RSPRY1: variants seen among roughly 807,000 people sequenced by gnomAD.
RSPRY1 encodes the protein ring finger and SPRY domain containing 1.
Under a neutral mutation model 73.1 loss-of-function variants are expected in RSPRY1, and 23 were observed. The observed-to-expected ratio is 0.31, with a 90% CI of 0.23 to 0.45. RSPRY1 has a LOEUF of 0.45. Ranked by LOEUF, RSPRY1 falls within the 20% of genes least tolerant of loss-of-function variation. The probability of loss-of-function intolerance (pLI) is 1.00; values close to 1 mark genes in which losing one functional copy is unlikely to be tolerated. For synonymous variants in RSPRY1, 226 were observed against 251.4 expected (o/e 0.90, Z 0.95); for missense variants, 448 against 698.7 (o/e 0.64, Z 4.05).
chr16:57,196,034 AATATAT>A (rs1555499008), intron 1 of RSPRY1, among the ~76,000 whole-genome samples: 2 of 122,794 alleles, frequency 1.6e-5, no homozygotes, highest in Admixed American at 8.6e-5. Flanking sequence ...AAAAAAAAAA[AATATAT>A]ATATATATAT....
At chr16:57,219,437 C>T (rs1271350472) in intron 8 of RSPRY1, among the ~76,000 whole-genome samples, 1 of 152,170 alleles carries the variant, frequency 6.6e-6, no homozygotes, top group Non-Finnish European at 1.5e-5. Flanking sequence ...TTTCATATAT[C>T]TGTTTGCCAT....
chr16:57,227,355 T>C lies in RSPRY1; in HGVS notation c.1175T>C (p.Ile392Thr), dbSNP rs868458685. The C allele has an allele frequency of 5.6e-6, 9 of 1,613,502 alleles. No individual in the cohort carries two copies. The highest frequency in any genetic ancestry group is 1.7e-5 in the Admixed American group (1 of 59,990). ...SKFLNHEGYGIGDDEYSCAYD... is the reference protein window; with the variant it reads ...SKFLNHEGYGTGDDEYSCAYD... The stretch of plus-strand genomic sequence containing the variant: ...GTCTCTCTCCAGGAAGGCTACGGCA[T>C]TGGGGATGATGAATACTCCTGTGCG... Residue 392 changes from isoleucine to threonine, a missense_variant, in exon 11 of 15, where the codon ATT (isoleucine) becomes ACT (threonine). Transcript: ENST00000394420.
intron 1 of RSPRY1, among the ~76,000 whole-genome samples, chr16:57,199,891 GTTTGT>G (rs2074529728): frequency 1.1e-4 from 4 of 35,032 alleles, no homozygotes; most frequent in African/African-American, 2.5e-4. Flanking sequence ...TGTTTTTTTT[GTTTGT>G]TTTTTTTTTT....
chr16:57,200,318 C>A (rs1425716642), intron 1 of RSPRY1, among the ~76,000 whole-genome samples: 8 of 151,746 alleles, frequency 5.3e-5, no homozygotes, highest in African/African-American at 1.9e-4. Flanking sequence ...TCTACACAGA[C>A]ATGGCAACCA....
intron 11 of RSPRY1, among the ~76,000 whole-genome samples, chr16:57,227,958 C>T (rs1206675667): frequency 6.6e-6 from 1 of 152,130 alleles, no homozygotes; most frequent in African/African-American, 2.4e-5. Flanking sequence ...TCCAAGCATC[C>T]CTCTCTCATT....
At chr16:57,195,537 A>G (rs1223140499) in intron 1 of RSPRY1, among the ~76,000 whole-genome samples, 1 of 152,152 alleles carries the variant, frequency 6.6e-6, no homozygotes, top group Non-Finnish European at 1.5e-5. Flanking sequence ...AAAAAGTATA[A>G]TCATATTAAA....
rs559862884 is a variant in RSPRY1 at position 57,236,812 on chromosome 16, T to A, written c.1634+1584T>A. 3.9e-5 allele frequency among the ~76,000 whole-genome samples: 6 copies of A among 152,284 alleles called. No homozygotes were observed. In the South Asian group the frequency reaches 1.2e-3, roughly 32 times the overall value. ...AACTCCCAAATAAAATATTAGAAAGTAAGACCTAGCAACGCAACTGGCAGG... is the reference window on the plus strand; with the variant it reads ...AACTCCCAAATAAAATATTAGAAAGAAAGACCTAGCAACGCAACTGGCAGG... On this transcript the variant is annotated intron_variant, in intron 14 of 14. Transcript: ENST00000394420.
intron 1 of RSPRY1, among the ~76,000 whole-genome samples, chr16:57,192,776 G>T (rs1264119060): frequency 6.7e-6 from 1 of 148,996 alleles, no homozygotes; most frequent in Non-Finnish European, 1.5e-5. Context: ...TGCGATCATG[G>T]TTTACTGCAG....
chr16:57,202,073 A>G (rs1279754303), intron 1 of RSPRY1, among the ~76,000 whole-genome samples: 1 of 152,166 alleles, frequency 6.6e-6, no homozygotes, highest in African/African-American at 2.4e-5. Context: ...CGTAATCCCA[A>G]TACTTGGGAG....
At chr16:57,203,418 AC>A (rs1567492411) in intron 1 of RSPRY1, among the ~76,000 whole-genome samples, 1 of 152,194 alleles carries the variant, frequency 6.6e-6, no homozygotes, top group Non-Finnish European at 1.5e-5. Context: ...ATTAATTGTA[AC>A]TAGCCAGATG....
At position 57,240,259 on chromosome 16, in the gene RSPRY1, C is replaced by T. The variant is rs1256198592; in HGVS notation, c.*1284C>T. 1.3e-5 allele frequency: 2 copies of T among 151,488 alleles called. No individual in the cohort carries two copies. The highest frequency in any genetic ancestry group is 2.9e-5 in the Non-Finnish European group (2 of 67,912). 9.4% of individuals were successfully genotyped at this position (151,488 alleles called of 1,614,324 possible). On this transcript the variant is annotated 3_prime_UTR_variant, in exon 15 of 15. Transcript: ENST00000394420. ...TTGTTTGTAGTTCATTATACCTGTC[C>T]TATTACAGAACTGATTTCCTTCCTG...
chr16:57,194,759 C>T (rs1567482849), intron 1 of RSPRY1, among the ~76,000 whole-genome samples: 1 of 152,128 alleles, frequency 6.6e-6, no homozygotes, highest in Non-Finnish European at 1.5e-5. Flanking sequence ...TGTTCTTTCT[C>T]ACTGATCTGT....
At position 57,209,113 on chromosome 16, in the gene RSPRY1, G is replaced by A. The variant is rs1336660522; in HGVS notation, c.442G>A (p.Val148Ile). ...WLDVVQSLIR[V>I]IPLEDPLGPA... Reference sequence around the variant, plus strand: ...GGATGTTGTCCAGTCTTTAATTAGAGTTATTCCACTGGAAGATCCACTGGG... The same window carrying A: ...GGATGTTGTCCAGTCTTTAATTAGAATTATTCCACTGGAAGATCCACTGGG... The change falls in exon 4 of 15, where the codon GTT (valine) becomes ATT (isoleucine). Residue 148 changes from valine (V) to isoleucine (I), a missense_variant. Transcript: ENST00000394420. The A allele has an allele frequency of 1.9e-6, 3 of 1,613,294 alleles. No individual in the cohort carries two copies.
rs148310551 is a variant in RSPRY1 at position 57,232,987 on chromosome 16, T to C, written c.1529+1668T>C. On this transcript the variant is annotated intron_variant, in intron 13 of 14. Transcript: ENST00000394420. Reference sequence around the variant, plus strand: ...CTGCCCTTAACATTCCAGTTGTGCTTAATTATAAATTGTGGCATTAAGTAT... The same window carrying C: ...CTGCCCTTAACATTCCAGTTGTGCTCAATTATAAATTGTGGCATTAAGTAT... Among the ~76,000 whole-genome samples, 19 of 152,340 alleles carry C rather than the reference T, an allele frequency of 1.2e-4. No homozygotes were observed. In the East Asian group the frequency reaches 3.5e-3, roughly 28 times the overall value.
rs888208905 is a variant in RSPRY1 at position 57,239,798 on chromosome 16, A to G, written c.*823A>G. 1.3e-5 allele frequency: 2 copies of G among 152,134 alleles called. No individual in the cohort carries two copies. The highest frequency in any genetic ancestry group is 2.9e-5 in the Non-Finnish European group (2 of 68,020). 9.4% of individuals were successfully genotyped at this position (152,134 alleles called of 1,614,324 possible). A position where few individuals can be genotyped will look rare whatever the true frequency, so the allele number is the denominator to read the frequency against. ...GGTATTTTCAAGGTACCATCAAATC[A>G]GATTTCTGTTTTTTTGTTAAAAAAA... is the stretch of plus-strand genomic sequence containing the variant. On this transcript the variant is annotated 3_prime_UTR_variant, in exon 15 of 15. Transcript: ENST00000394420.
chr16:57,208,915 A>G (rs970911673), intron 3 of RSPRY1, among the ~76,000 whole-genome samples, 160 bp from the exon 4 acceptor site: 1 of 152,226 alleles, frequency 6.6e-6, no homozygotes, highest in African/African-American at 2.4e-5. Context: ...TTACTCCACC[A>G]CGATGACTAG....
intron 10 of RSPRY1, among the ~76,000 whole-genome samples, chr16:57,222,856 C>T (rs772562549): frequency 6.6e-6 from 1 of 152,134 alleles, no homozygotes; most frequent in Non-Finnish European, 1.5e-5. Flanking sequence ...CACTACAGAT[C>T]TAGGTCTGGC....
intron 6 of RSPRY1, 22 bp from the exon 7 acceptor site, chr16:57,216,085 T>TTA: frequency 6.4e-7 from 1 of 1,562,766 alleles, no homozygotes; most frequent in South Asian, 1.2e-5. Context: ...TTTTTTTTTT[T>TTA]TTATCTTTTG....
intron 11 of RSPRY1, 148 bp from the exon 12 acceptor site, chr16:57,230,563 C>A: frequency 2.0e-6 from 1 of 494,624 alleles, no homozygotes; most frequent in South Asian, 3.7e-5. Context: ...GGGGTCAGAT[C>A]AGTTACAGAA....
Sources: allele counts gnomAD v4.1 joint callset (sites outside exome capture counted in the v4.1 genomes callset), GRCh38; gene constraint gnomAD v4.1.1; transcripts MANE v1.5; gene names NCBI Gene and HGNC (gene_info 2026-07-23, HGNC 2026-07-21).